RAVER2: variants seen among roughly 807,000 people sequenced by gnomAD.
The protein encoded by RAVER2 is ribonucleoprotein, PTB binding 2, also known as ribonucleoprotein PTB-binding 2.
RAVER2 carries 46 observed loss-of-function variants against 78.1 expected under a neutral mutation model. The observed-to-expected ratio is 0.59, with a 90% confidence interval of 0.46 to 0.75. The LOEUF (loss-of-function observed/expected upper bound fraction) is 0.75. Among genes scored for constraint, RAVER2 ranks in the 30% least tolerant of loss-of-function variants. RAVER2 has a pLI of 0.00. For missense variants in RAVER2, 793 were observed against 837.5 expected, an observed-to-expected ratio of 0.95 and a Z score of 0.66; for synonymous variants, 311 against 313.3, an observed-to-expected ratio of 0.99 and a Z score of 0.08.
exon 12 of RAVER2, chr1:64,831,073 T>G: frequency 2.9e-6 from 4 of 1,362,086 alleles, no homozygotes; most frequent in Non-Finnish European, 4.0e-6. Flanking sequence ...ACTAGCCATA[T>G]CCTTTAAATA....
At chr1:64,760,473 A>G (rs1651990147) in intron 1 of RAVER2, among the ~76,000 whole-genome samples, 1 of 152,170 alleles carries the variant, frequency 6.6e-6, no homozygotes, top group African/African-American at 2.4e-5. Flanking sequence ...AAAGGGATGT[A>G]GAACATCCAT....
At position 64,812,798 on chromosome 1, in the gene RAVER2, A is replaced by G; in HGVS notation, c.1741A>G (p.Lys581Glu). The G allele has an allele frequency of 6.2e-7, 1 of 1,612,152 alleles. No homozygotes were observed. Among genetic ancestry groups the G allele is most frequent in the South Asian group, 1.1e-5 (1 of 90,830 alleles). The change falls in exon 10 of 12, where the codon AAA (lysine) becomes GAA (glutamate). Residue 581 changes from lysine to glutamate, a missense_variant. By Grantham distance (56) the Lys-to-Glu change is moderately conservative (BLOSUM62 1). Coordinates refer to ENST00000294428, the Ensembl canonical transcript of RAVER2. ...ACCACCAAAAGAAATTCGGCTCAGT[A>G]AAAATCCATACTTGAATTTGGCAAG...
At chr1:64,759,006 G>GA (rs1037992584) in intron 1 of RAVER2, among the ~76,000 whole-genome samples, 7 of 151,518 alleles carry the variant, frequency 4.6e-5, no homozygotes, top group Non-Finnish European at 7.4e-5. Flanking sequence ...ATCTCTTGAA[G>GA]ATTAAAGCCC....
chr1:64,805,674 G>T (rs1461406205), intron 8 of RAVER2, among the ~76,000 whole-genome samples: 2 of 152,118 alleles, frequency 1.3e-5, no homozygotes, highest in African/African-American at 4.8e-5. Context: ...GGCATTTTCA[G>T]CTTGAAGCTT....
At chr1:64,820,196 T>C (rs146658945) in intron 11 of RAVER2, among the ~76,000 whole-genome samples, 15 of 152,198 alleles carry the variant, frequency 9.9e-5, no homozygotes, top group African/African-American at 3.6e-4. Context: ...TAAAAAATTA[T>C]ACAAAGAGAT....
At chr1:64,829,710 C>A (rs532663926) in intron 11 of RAVER2, among the ~76,000 whole-genome samples, 1 of 152,300 alleles carries the variant, frequency 6.6e-6, no homozygotes, top group African/African-American at 2.4e-5. Flanking sequence ...CCCAGACATA[C>A]TTTACTACCA....
intron 8 of RAVER2, among the ~76,000 whole-genome samples, chr1:64,805,744 T>A (rs993282827): frequency 2.0e-5 from 3 of 151,898 alleles, no homozygotes; most frequent in South Asian, 2.1e-4. Flanking sequence ...ACCAATAATT[T>A]AAAAAAAAGT....
rs189580958 is a variant in RAVER2 at position 64,774,134 on chromosome 1, A to G, written c.317-3489A>G. ...TTTTCTCCCGTTCTGTACGTTGCCT[A>G]TTCACTCTGCTGATAATCTTTTGCT... On this transcript the variant is annotated intron_variant, in intron 2 of 11. Coordinates refer to ENST00000294428, the Ensembl canonical transcript of RAVER2. Among the ~76,000 whole-genome samples, 407 of 152,156 alleles carry G rather than the reference A, an allele frequency of 2.7e-3. 1 individual carries two copies. The highest frequency in any genetic ancestry group is 4.3e-3 in the Non-Finnish European group (291 of 67,998).
intron 2 of RAVER2, among the ~76,000 whole-genome samples, chr1:64,775,261 A>G (rs1652429912): frequency 6.6e-6 from 1 of 152,188 alleles, no homozygotes; most frequent in Non-Finnish European, 1.5e-5. Context: ...GGGGAGTATA[A>G]TGGTATGGGA....
rs142977459 is a variant in RAVER2 at position 64,749,214 on chromosome 1, G to C, written c.249+3793G>C. On this transcript the variant is annotated intron_variant, in intron 1 of 11. Coordinates refer to ENST00000294428, the Ensembl canonical transcript of RAVER2. ...TAGTCTTGCATTGGATTTTTTGTTTGTTTGTTTGTTTTTTGAGACGGATTC... is the reference window on the plus strand; with the variant it reads ...TAGTCTTGCATTGGATTTTTTGTTTCTTTGTTTGTTTTTTGAGACGGATTC... Among the ~76,000 whole-genome samples the C allele has an allele frequency of 2.4e-3, 367 of 151,944 alleles. 4 individuals carry two copies. Among genetic ancestry groups the C allele is most frequent in the African/African-American group, 8.4e-3 (350 of 41,478 alleles).
exon 9 of RAVER2, chr1:64,807,456 C>T (rs1486999034): frequency 6.2e-7 from 1 of 1,613,852 alleles, no homozygotes; most frequent in Non-Finnish European, 8.5e-7. Flanking sequence ...AGCCAAAAGG[C>T]ACAGAGATAA....
chr1:64,757,411 G>T (rs534932611), intron 1 of RAVER2, among the ~76,000 whole-genome samples: 1 of 152,272 alleles, frequency 6.6e-6, no homozygotes, highest in East Asian at 1.9e-4. Context: ...TAGGATTAGT[G>T]TCCTTATAAG....
chr1:64,807,291 G>C (rs1418579528), exon 9 of RAVER2: 3 of 1,614,050 alleles, frequency 1.9e-6, no homozygotes, highest in Admixed American at 3.3e-5. Flanking sequence ...TTGCTGGACA[G>C]GCTGGGCCAG....
At chr1:64,786,216 C>T (rs1652776095) in intron 4 of RAVER2, among the ~76,000 whole-genome samples, 1 of 151,910 alleles carries the variant, frequency 6.6e-6, no homozygotes, top group South Asian at 2.1e-4. Context: ...TTTTGTTGTT[C>T]TTATTGGCTT....
rs964394564 is a variant in RAVER2 at position 64,745,420 on chromosome 1, A to G, written c.248A>G (p.Gln83Arg). 27 of 1,526,576 alleles carry G rather than the reference A, an allele frequency of 1.8e-5. No homozygotes were observed. Among genetic ancestry groups the G allele is most frequent in the Non-Finnish European group, 2.3e-5 (26 of 1,132,686 alleles). 94.6% of individuals were successfully genotyped at this position (1,526,576 alleles called of 1,614,324 possible). ...AACCTGCCCCAGGACAGCAACTGCC[A>G]GGTACTGGGACGGTGATAGGGGCGA... is the stretch of plus-strand genomic sequence containing the variant. Residue 83 changes from glutamine (Q) to arginine (R), a missense_variant and splice_region_variant, in exon 1 of 12, where the codon CAG becomes CGG. Physicochemically the swap from Gln to Arg is conservative, Grantham distance 43 (BLOSUM62 1). Transcript: ENST00000294428. This position sits in a 1 kb window ranked among gnomAD's most constrained non-coding sequence, Gnocchi z 4.3.
At chr1:64,750,081 A>G (rs987649835) in intron 1 of RAVER2, among the ~76,000 whole-genome samples, 1 of 152,164 alleles carries the variant, frequency 6.6e-6, no homozygotes, top group South Asian at 2.1e-4. Context: ...AGAGGAAACA[A>G]AACATTCTAT....
At chr1:64,829,457 C>T (rs1442541906) in intron 11 of RAVER2, among the ~76,000 whole-genome samples, 1 of 152,152 alleles carries the variant, frequency 6.6e-6, no homozygotes, top group East Asian at 1.9e-4. Flanking sequence ...GATCACCTAC[C>T]AGCGAAGGGG....
At chr1:64,792,385 G>T (rs1255672897) in intron 5 of RAVER2, among the ~76,000 whole-genome samples, 1 of 152,138 alleles carries the variant, frequency 6.6e-6, no homozygotes, top group East Asian at 1.9e-4. Context: ...TTCCCTTAAT[G>T]CAGTCCAAGA....
At chr1:64,750,067 T>A (rs1651654554) in intron 1 of RAVER2, among the ~76,000 whole-genome samples, 1 of 152,180 alleles carries the variant, frequency 6.6e-6, no homozygotes, top group South Asian at 2.1e-4. Flanking sequence ...TCAGGATCAG[T>A]AATAGAGGAA....
Sources: gnomAD v4.1 joint callset for allele counts (sites outside exome capture counted in the v4.1 genomes callset) on GRCh38, gnomAD v4.1.1 for gene constraint, Gnocchi (gnomAD v3.1) non-coding constraint, MANE v1.5 for transcripts, NCBI Gene and HGNC (gene_info 2026-07-23, HGNC 2026-07-21) for gene names.